Variants in PDE1C observed in about 807,000 individuals in gnomAD.
PDE1C encodes phosphodiesterase 1C, also known as dual specificity calcium/calmodulin-dependent 3',5'-cyclic nucleotide phosphodiesterase 1C.
In PDE1C, 62 loss-of-function variants were observed where a neutral mutation model predicts 93.1. The observed-to-expected ratio is 0.67, with a 90% confidence interval of 0.54 to 0.82. The LOEUF is 0.82. Ranked by LOEUF, PDE1C falls within the 40% of genes least tolerant of loss-of-function variation. The pLI is 0.00. For synonymous variants in PDE1C, 325 were observed against 310.1 expected (o/e 1.05, Z -0.50); for missense variants, 742 against 884.6 (o/e 0.84, Z 2.04).
intron 1 of PDE1C, among the ~76,000 whole-genome samples, chr7:32,412,906 C>T (rs776433045): frequency 6.6e-6 from 1 of 151,234 alleles, no homozygotes; most frequent in African/African-American, 2.4e-5. Context: ...TAACATAGCA[C>T]GGAAAAAAAA....
chr7:32,091,979 G>C (rs1454331958), intron 3 of PDE1C, among the ~76,000 whole-genome samples: 2 of 152,162 alleles, frequency 1.3e-5, no homozygotes, highest in Non-Finnish European at 2.9e-5. Context: ...GGATACGTGA[G>C]AGAAGAGTAG....
chr7:32,337,629 A>G (rs946152827), intron 1 of PDE1C, among the ~76,000 whole-genome samples: 14 of 152,174 alleles, frequency 9.2e-5, no homozygotes, highest in African/African-American at 3.1e-4. Context: ...CTTAGAGTCC[A>G]GCATCAGGGA....
intron 11 of PDE1C, among the ~76,000 whole-genome samples, chr7:31,833,870 T>C (rs1176992132): frequency 1.3e-5 from 2 of 152,172 alleles, no homozygotes; most frequent in African/African-American, 4.8e-5. Context: ...CTGCACAAAT[T>C]TGCAGAAGTA....
chr7:31,875,065 A>T (rs1340250715), intron 5 of PDE1C, among the ~76,000 whole-genome samples: 2 of 152,240 alleles, frequency 1.3e-5, no homozygotes, highest in Non-Finnish European at 1.5e-5. Flanking sequence ...GGCTATAGAC[A>T]GCAAGGACAC....
chr7:32,149,957 C>T (rs1008774900), intron 3 of PDE1C, among the ~76,000 whole-genome samples: 24 of 152,166 alleles, frequency 1.6e-4, no homozygotes, highest in African/African-American at 3.9e-4. Context: ...GTCTGGAAAA[C>T]GGGCTTCTAC....
intron 3 of PDE1C, among the ~76,000 whole-genome samples, chr7:32,110,287 T>C (rs1358864054): frequency 3.3e-5 from 5 of 152,208 alleles, no homozygotes; most frequent in African/African-American, 9.6e-5. Flanking sequence ...TCTCTCCATG[T>C]GCAGGTATCT....
intron 1 of PDE1C, among the ~76,000 whole-genome samples, chr7:32,342,503 A>G (rs1783778183): frequency 1.3e-5 from 2 of 152,232 alleles, no homozygotes; most frequent in Admixed American, 1.3e-4. Flanking sequence ...TTCATCATAT[A>G]CGTTTTAAAT....
At chr7:31,990,087 G>A (rs1218891938) in intron 2 of PDE1C, among the ~76,000 whole-genome samples, 2 of 152,176 alleles carry the variant, frequency 1.3e-5, no homozygotes, top group Non-Finnish European at 2.9e-5. Flanking sequence ...GGGCATTAGT[G>A]CAGGGCCCCT....
At chr7:32,279,932 C>A (rs1336467683) in intron 1 of PDE1C, among the ~76,000 whole-genome samples, 1 of 152,030 alleles carries the variant, frequency 6.6e-6, no homozygotes, top group Non-Finnish European at 1.5e-5. Context: ...ATGTTTATTG[C>A]AACAGAAAGG....
At chr7:32,081,276 A>G (rs1226675040) in intron 3 of PDE1C, among the ~76,000 whole-genome samples, 3 of 152,240 alleles carry the variant, frequency 2.0e-5, no homozygotes, top group Non-Finnish European at 4.4e-5. Context: ...CATCAAGTCA[A>G]TTAAGACCAT....
At chr7:31,716,111 G>A in the PDE1C span, among the ~76,000 whole-genome samples, 5 of 152,148 alleles carry the variant, frequency 3.3e-5, no homozygotes, top group Admixed American at 3.3e-4. Context: ...TGGATCCAGG[G>A]CTGATTAAGG....
rs1167694549 is a variant in PDE1C, at chr7:32,380,555, T to C, written c.310+47267A>G. ...GCCACCGCACCCAGCCTCCATCCTC[T>C]CTTGAACCTGCCCAATTGAGCTTCC... On this transcript the variant is annotated intron_variant, in intron 1 of 1. Transcript: ENST00000672256. Among the ~76,000 whole-genome samples the C allele has an allele frequency of 3.9e-5, 6 of 151,986 alleles. No individual in the cohort carries two copies. In the East Asian group the frequency reaches 1.2e-3, roughly 30 times the overall value.
At chr7:31,841,045 T>C (rs754439672) in intron 9 of PDE1C, among the ~76,000 whole-genome samples, 3 of 152,096 alleles carry the variant, frequency 2.0e-5, no homozygotes, top group African/African-American at 4.8e-5. Flanking sequence ...TATCTCTCTA[T>C]GTATTTAGTT....
chr7:32,221,092 C>T (rs904862112), intron 1 of PDE1C, among the ~76,000 whole-genome samples: 1 of 152,332 alleles, frequency 6.6e-6, no homozygotes, highest in Admixed American at 6.5e-5. Context: ...TTGAGGACAA[C>T]TGTCATGAAC....
the PDE1C span, chr7:31,652,884 A>G: frequency 5.1e-6 from 8 of 1,560,996 alleles, no homozygotes; most frequent in African/African-American, 1.1e-4. Flanking sequence ...GAACAGATGT[A>G]GCAAGGAAAT....
At chr7:31,788,527 T>C (rs1240994904) in intron 16 of PDE1C, 1 of 152,170 alleles carries the variant, frequency 6.6e-6, no homozygotes, top group Admixed American at 6.5e-5. Flanking sequence ...AACTACCCTG[T>C]TTTGACAGCA....
chr7:32,183,532 C>T (rs899957256), intron 2 of PDE1C, among the ~76,000 whole-genome samples: 35 of 152,006 alleles, frequency 2.3e-4, no homozygotes, highest in Non-Finnish European at 4.9e-4. Context: ...ACAAACCTGA[C>T]AAAAACAAGA....
chr7:32,412,381 A>C (rs1785187617), intron 1 of PDE1C, among the ~76,000 whole-genome samples: 1 of 151,480 alleles, frequency 6.6e-6, no homozygotes, highest in Non-Finnish European at 1.5e-5. Context: ...ACTTGAACCC[A>C]GGAGGCGGAG....
intron 1 of PDE1C, among the ~76,000 whole-genome samples, chr7:32,066,678 G>A (rs763379252): frequency 2.6e-5 from 4 of 151,990 alleles, no homozygotes; most frequent in Non-Finnish European, 4.4e-5. Context: ...TTCATCAGGG[G>A]TATATAGAAC....
Sources: gnomAD v4.1 joint callset for allele counts (sites outside exome capture counted in the v4.1 genomes callset) on GRCh38, gnomAD v4.1.1 for gene constraint, MANE v1.5 for transcripts, NCBI Gene and HGNC (gene_info 2026-07-23, HGNC 2026-07-21) for gene names.